SRC: variants seen among roughly 807,000 people sequenced by gnomAD.
SRC encodes SRC proto-oncogene, non-receptor tyrosine kinase.
A neutral mutation model predicts 62.9 loss-of-function variants in SRC; 13 were observed. The ratio of observed to expected loss-of-function variants is 0.21; its 90% CI spans 0.13 to 0.33. SRC has a LOEUF of 0.33. Ranked by LOEUF, SRC falls within the 10% of genes least tolerant of loss-of-function variation. The probability of loss-of-function intolerance (pLI) is 1.00; values close to 1 mark genes in which losing one functional copy is unlikely to be tolerated. For synonymous variants in SRC, 302 were observed against 317.5 expected (o/e 0.95, Z 0.52); for missense variants, 457 against 737.3 (o/e 0.62, Z 4.40).
Position 37,404,328 on chromosome 20 carries a change from GGA to G in SRC, c.*957_*958del, listed in dbSNP as rs958004800. The G allele has an allele frequency of 3.0e-5, 7 of 233,596 alleles. No individual in the cohort carries two copies. The highest frequency in any genetic ancestry group is 1.7e-4 in the Admixed American group (3 of 17,772). The allele number at this position is 233,596 out of a possible 1,614,324, so 14.5% of individuals were successfully genotyped here. A position where few individuals can be genotyped will look rare whatever the true frequency, so the allele number is the denominator to read the frequency against. The stretch of plus-strand genomic sequence containing the variant: ...GAATCAGGGTAAAAGGTGCAGGTGT[GGA>G]GAGAGAGGCTTCAATCGGCTTGTGG... On this transcript the variant is annotated 3_prime_UTR_variant, in exon 14 of 14. Coordinates refer to ENST00000373578, the MANE Select transcript of SRC (RefSeq NM_198291.3).
At chr20:37,362,265 T>C (rs548952656) in intron 1 of SRC, among the ~76,000 whole-genome samples, 7 of 152,048 alleles carry the variant, frequency 4.6e-5, no homozygotes, top group Admixed American at 6.6e-5. Flanking sequence ...CTCACTTTGT[T>C]GCCCAGGCTG....
At chr20:37,363,928 T>G (rs2070020698) in intron 1 of SRC, among the ~76,000 whole-genome samples, 1 of 152,052 alleles carries the variant, frequency 6.6e-6, no homozygotes, top group South Asian at 2.1e-4. Context: ...GGCAGGTGCC[T>G]GACAAGTCCT....
chr20:37,347,508 T>C (rs2069740628), intron 1 of SRC, among the ~76,000 whole-genome samples: 1 of 152,248 alleles, frequency 6.6e-6, no homozygotes, highest in Non-Finnish European at 1.5e-5. Context: ...AATTGTTCAC[T>C]GGACACATTG....
intron 1 of SRC, 37 bp from the exon 2 acceptor site, chr20:37,365,167 A>G (rs2070041545): frequency 6.6e-6 from 1 of 152,160 alleles, no homozygotes; most frequent in African/African-American, 2.4e-5. Flanking sequence ...CCAACCTCAC[A>G]AGGTGGATAT....
intron 5 of SRC, chr20:37,386,542 C>G (rs2070458609): frequency 1.4e-6 from 1 of 704,570 alleles, no homozygotes; most frequent in Non-Finnish European, 2.6e-6. Context: ...GGGCTGCTGT[C>G]TGCATGTGCT....
At chr20:37,392,136 C>A (rs2070561145) in intron 5 of SRC, among the ~76,000 whole-genome samples, 1 of 152,122 alleles carries the variant, frequency 6.6e-6, no homozygotes, top group South Asian at 2.1e-4. Context: ...CCAGTGACCC[C>A]ATATGGCTTG....
chr20:37,384,157 G>T lies in SRC; in HGVS notation c.4G>T (p.Gly2Cys). M[G>C]SNKSKPKDAS... Reference sequence around the variant, plus strand: ...TTCTCTCTCTCCTGCCAGGACCATGGGTAGCAACAAGAGCAAGCCCAAGGA... The same window carrying T: ...TTCTCTCTCTCCTGCCAGGACCATGTGTAGCAACAAGAGCAAGCCCAAGGA... Residue 2 changes from glycine to cysteine, a missense_variant, in exon 4 of 14, where the codon GGT becomes TGT. Physicochemically the swap from Gly to Cys is radical, Grantham distance 159. Transcript: ENST00000373578. This position sits in a 1 kb window ranked among gnomAD's most constrained non-coding sequence, Gnocchi z 6.7. 6.2e-7 allele frequency: 1 copy of T among 1,600,718 alleles called. No homozygotes were observed.
At chr20:37,399,637 C>T (rs1474180216) in intron 9 of SRC, among the ~76,000 whole-genome samples, 2 of 151,978 alleles carry the variant, frequency 1.3e-5, no homozygotes, top group African/African-American at 4.8e-5. Flanking sequence ...CTCTGCCTCC[C>T]AGGCTCAAAC....
chr20:37,378,226 G>A (rs1331917182), intron 2 of SRC, among the ~76,000 whole-genome samples: 1 of 146,756 alleles, frequency 6.8e-6, no homozygotes, highest in Non-Finnish European at 1.5e-5. Context: ...GCAGTGGCGC[G>A]ATGATAGCTC....
intron 1 of SRC, among the ~76,000 whole-genome samples, chr20:37,358,305 G>T (rs1413150484): frequency 6.6e-6 from 1 of 152,198 alleles, no homozygotes; most frequent in East Asian, 1.9e-4. Context: ...TCTGGCCGTG[G>T]TCACCCCAGA....
chr20:37,389,753 A>C (rs2070515928), intron 5 of SRC, among the ~76,000 whole-genome samples: 1 of 152,204 alleles, frequency 6.6e-6, no homozygotes, highest in African/African-American at 2.4e-5. Context: ...CCAAAAGAGG[A>C]TCCTGAGGCT....
intron 3 of SRC, among the ~76,000 whole-genome samples, chr20:37,383,250 G>A (rs2070391324): frequency 6.6e-6 from 1 of 152,208 alleles, no homozygotes. Context: ...AGTTGAGAAC[G>A]GAAGGAGGCA....
Position 37,396,413 on chromosome 20 carries a change from T to A in SRC, c.703+102T>A. The A allele has an allele frequency of 7.1e-7, 1 of 1,401,252 alleles. No homozygotes were observed. The highest frequency in any genetic ancestry group is 9.7e-7 in the Non-Finnish European group (1 of 1,028,180). The allele number at this position is 1,401,252 out of a possible 1,614,324, so 86.8% of individuals were successfully genotyped here. On this transcript the variant is annotated intron_variant, in intron 8 of 13. Transcript: ENST00000373578. The surrounding 1 kb of genome is among the most constrained non-coding windows in gnomAD (Gnocchi z 6.1). ...AGAAGGGTGGGGACTTCTGTTATCC[T>A]GCTTCTCTCCCCACTTCCCCCTCCC...
Position 37,384,541 on chromosome 20 carries a change from TCC to T in SRC, c.250+139_250+140del. 5 of 351,982 alleles carry T rather than the reference TCC, an allele frequency of 1.4e-5. No homozygotes were observed. Among genetic ancestry groups the T allele is most frequent in the Non-Finnish European group, 2.1e-5 (5 of 237,062 alleles). 21.8% of individuals were successfully genotyped at this position (351,982 alleles called of 1,614,324 possible). A position where few individuals can be genotyped will look rare whatever the true frequency, so the allele number is the denominator to read the frequency against. On this transcript the variant is annotated intron_variant, in intron 4 of 13. Transcript: ENST00000373578. The surrounding 1 kb of genome is among the most constrained non-coding windows in gnomAD (Gnocchi z 6.7). ...GTAGCGCCCCTGGGTGACTTGGGTG[TCC>T]GGGGGGTGGGGGGGCGGCCGTACAC...
chr20:37,345,977 C>A (rs2069710012), upstream of SRC, among the ~76,000 whole-genome samples: 1 of 151,710 alleles, frequency 6.6e-6, no homozygotes, highest in African/African-American at 2.4e-5. Flanking sequence ...GCGGGGAATC[C>A]GTCCCCGCGC....
rs1220252775 is a variant in SRC, at chr20:37,401,648, G to T, written c.1086G>T (p.Arg362=). ...FLKGETGKYL[R]LPQLVDMAAQ... ...AGGGGGAGACAGGCAAGTACCTGCG[G>T]CTGCCTCAGCTGGTGGACATGGCTG... Residue 362 remains arginine, a synonymous_variant, in exon 11 of 14, where the codon CGG becomes CGT. Coordinates refer to ENST00000373578, the MANE Select transcript of SRC (RefSeq NM_198291.3). The T allele has an allele frequency of 1.2e-6, 2 of 1,610,094 alleles. No homozygotes were observed. The highest frequency in any genetic ancestry group is 4.5e-5 in the East Asian group (2 of 44,276).
At position 37,384,626 on chromosome 20, in the gene SRC, A is replaced by C. The variant is rs4810582; in HGVS notation, c.250+223A>C. Among the ~76,000 whole-genome samples the C allele has an allele frequency of 6.6e-6, 1 of 151,666 alleles. No individual in the cohort carries two copies. The highest frequency in any genetic ancestry group is 1.9e-4 in the East Asian group (1 of 5,134). ...TTGGGGTGGAGCAAGCGCAAAAGAC[A>C]CGGGGTGTGGTTAATGGGTTCTAAT... On this transcript the variant is annotated intron_variant, in intron 4 of 13. Coordinates refer to ENST00000373578, the MANE Select transcript of SRC (RefSeq NM_198291.3). This position sits in a 1 kb window ranked among gnomAD's most constrained non-coding sequence, Gnocchi z 6.7.
At chr20:37,355,716 C>T (rs1182830217) in intron 1 of SRC, among the ~76,000 whole-genome samples, 1 of 152,096 alleles carries the variant, frequency 6.6e-6, no homozygotes, top group African/African-American at 2.4e-5. Flanking sequence ...GGAGGTGATA[C>T]CTGGCCTGGA....
intron 2 of SRC, among the ~76,000 whole-genome samples, chr20:37,371,568 TTTCA>T (rs1467193305): frequency 6.6e-6 from 1 of 152,164 alleles, no homozygotes; most frequent in African/African-American, 2.4e-5. Flanking sequence ...TTATTTTTTA[TTTCA>T]TTAATTTCTG....
Sources: gnomAD v4.1 joint callset for allele counts (sites outside exome capture counted in the v4.1 genomes callset) on GRCh38, gnomAD v4.1.1 for gene constraint, Gnocchi (gnomAD v3.1) non-coding constraint, MANE v1.5 for transcripts, NCBI Gene and HGNC (gene_info 2026-07-23, HGNC 2026-07-21) for gene names.